The following INO80D variants were observed in gnomAD, a reference collection of about 807,000 sequenced individuals.
The protein encoded by INO80D is INO80 complex subunit D.
INO80D carries 21 observed loss-of-function variants against 87.6 expected under a neutral mutation model. The observed-to-expected ratio is 0.24, with a 90% confidence interval of 0.17 to 0.35. The LOEUF (loss-of-function observed/expected upper bound fraction) is 0.35. INO80D is among the 10% of genes least tolerant of loss of function. The pLI, the probability that INO80D is intolerant of heterozygous loss-of-function variation, is 1.00. For missense variants in INO80D, 982 were observed against 1,280.7 expected (o/e 0.77, Z 3.56); for synonymous variants, 440 against 491.0 (o/e 0.90, Z 1.37).
In INO80D at chr2:206,009,583, T is replaced by C. The variant is rs144598064; in HGVS notation, c.1754A>G (p.His585Arg). ...TGCCAGTGGCACCACTGACCGGATG[T>C]GAGAGGCCTCCACTGGCAGTGAGAC... is the stretch of plus-strand genomic sequence containing the variant. ...ASVSLPVEAS[H>R]IRSPSTPELS... is the part of the protein sequence containing the mutation. Residue 585 changes from histidine (H) to arginine (R), a missense_variant, in exon 9 of 11, where the codon CAC becomes CGC. Physicochemically the swap from His to Arg is conservative, Grantham distance 29. Transcript: ENST00000403263. 8.0e-3 allele frequency: 12,916 copies of C among 1,611,268 alleles called. 99 individuals are homozygous for C. The highest frequency in any genetic ancestry group is 9.4e-3 in the Middle Eastern group (53 of 5,654).
At chr2:206,027,808 T>C (rs1688657031) in intron 6 of INO80D, among the ~76,000 whole-genome samples, 1 of 152,206 alleles carries the variant, frequency 6.6e-6, no homozygotes, top group South Asian at 2.1e-4. Flanking sequence ...AATGTTACTT[T>C]TAAATAACAT....
intron 3 of INO80D, among the ~76,000 whole-genome samples, chr2:206,060,147 G>A (rs1231013108): frequency 1.3e-5 from 2 of 152,130 alleles, no homozygotes; most frequent in African/African-American, 4.8e-5. Context: ...CAAGGCTGTA[G>A]TGAGCTACGA....
intron 1 of INO80D, among the ~76,000 whole-genome samples, chr2:206,080,678 C>T (rs975988093): frequency 4.6e-5 from 7 of 151,852 alleles, no homozygotes; most frequent in South Asian, 4.1e-4. Context: ...GAGGCCAAGG[C>T]GGGCGGATCA....
chr2:206,021,517 T>C (rs1009986029), intron 6 of INO80D, among the ~76,000 whole-genome samples: 4 of 152,364 alleles, frequency 2.6e-5, no homozygotes, highest in Admixed American at 2.0e-4. Flanking sequence ...AAAAGGAATA[T>C]ATAATTTCAA....
intron 1 of INO80D, 31 bp from the exon 2 acceptor site, chr2:206,063,275 A>G: frequency 1.9e-6 from 1 of 533,408 alleles, no homozygotes; most frequent in South Asian, 2.8e-5. Flanking sequence ...CTAGTTAACA[A>G]ACAGAAATAA....
intron 1 of INO80D, among the ~76,000 whole-genome samples, chr2:206,082,370 A>G (rs954748438): frequency 1.3e-5 from 2 of 152,234 alleles, no homozygotes; most frequent in African/African-American, 4.8e-5. Flanking sequence ...ATGAGAACCA[A>G]GTAGTCTGTC....
At chr2:206,057,100 C>T (rs960629028) in intron 3 of INO80D, among the ~76,000 whole-genome samples, 157 bp from the exon 4 acceptor site, 6 of 152,160 alleles carry the variant, frequency 3.9e-5, no homozygotes, top group African/African-American at 1.4e-4. Flanking sequence ...TACTTTCAAG[C>T]AGTCCTCAAA....
rs760629333 is a variant in INO80D, at chr2:206,056,771, G to C, written c.391C>G (p.Leu131Val). The change falls in exon 4 of 11, where the codon CTC (leucine) becomes GTC (valine). Residue 131 changes from leucine (L) to valine (V), a missense_variant. By Grantham distance (32) the Leu-to-Val change is conservative. Transcript: ENST00000403263. ...GGGACCCTTGCCCCAGGTGGAGAGA[G>C]GGACATTCCATCCAGTCCGTTGGGC... ...KMPNGLDGMSLSPPGARVPLH... is the reference protein window; with the variant it reads ...KMPNGLDGMSVSPPGARVPLH... 1 of 1,613,002 alleles carries C rather than the reference G, an allele frequency of 6.2e-7. No individual in the cohort carries two copies. The highest frequency in any genetic ancestry group is 1.1e-5 in the South Asian group (1 of 90,802).
In INO80D at chr2:206,001,960, A is replaced by G. The variant is rs1353648525; in HGVS notation, c.*2408T>C. 6.6e-6 allele frequency: 1 copy of G among 152,242 alleles called. No individual in the cohort carries two copies. The highest frequency in any genetic ancestry group is 1.5e-5 in the Non-Finnish European group (1 of 68,050). 9.4% of individuals were successfully genotyped at this position (152,242 alleles called of 1,614,324 possible). ...CATAAAACAGAAAATTGCAAACAAT[A>G]AAATGTGCAACTTACTGCAAACTCA... is the stretch of plus-strand genomic sequence containing the variant. On this transcript the variant is annotated 3_prime_UTR_variant, in exon 11 of 11. Transcript: ENST00000403263.
intron 4 of INO80D, among the ~76,000 whole-genome samples, chr2:206,049,788 T>C (rs577594990): frequency 6.6e-6 from 1 of 152,326 alleles, no homozygotes; most frequent in East Asian, 1.9e-4. Context: ...TTCCCCAAAG[T>C]AACTTTTGCT....
In INO80D at chr2:206,056,940, G is replaced by A. The variant is rs374224084; in HGVS notation, c.222C>T (p.Tyr74=). 5 of 1,584,754 alleles carry A rather than the reference G, an allele frequency of 3.2e-6. No individual in the cohort carries two copies. Among genetic ancestry groups the A allele is most frequent in the Non-Finnish European group, 4.3e-6 (5 of 1,161,900 alleles). ...CAAGTACCTGCAAGTGGCTGTTGCA[G>A]TACCTTTAAAATACACACATACATG... ...NPIPKSEDRR[Y]CNSHLQVLGF... Residue 74 remains tyrosine, a synonymous_variant, in exon 4 of 11, where the codon TAC becomes TAT. Transcript: ENST00000403263.
intron 1 of INO80D, among the ~76,000 whole-genome samples, chr2:206,067,781 G>A (rs907858346): frequency 1.3e-5 from 2 of 151,892 alleles, no homozygotes; most frequent in Non-Finnish European, 2.9e-5. Flanking sequence ...AAACCTATAC[G>A]AACATCAAGA....
intron 8 of INO80D, among the ~76,000 whole-genome samples, chr2:206,015,784 G>A (rs1332339088): frequency 6.6e-6 from 1 of 152,198 alleles, no homozygotes; most frequent in Non-Finnish European, 1.5e-5. Context: ...CTACTTGGGA[G>A]GCTGAGGCAC....
At chr2:206,054,026 G>A (rs1490110828) in intron 4 of INO80D, among the ~76,000 whole-genome samples, 4 of 152,034 alleles carry the variant, frequency 2.6e-5, no homozygotes. Context: ...TTTTAGTAGA[G>A]ACAGGGTTTT....
intron 6 of INO80D, among the ~76,000 whole-genome samples, chr2:206,022,471 T>A (rs1050845320): frequency 6.6e-6 from 1 of 152,164 alleles, no homozygotes; most frequent in Non-Finnish European, 1.5e-5. Flanking sequence ...TTACCAAAAC[T>A]TTTTCATGTT....
intron 4 of INO80D, among the ~76,000 whole-genome samples, chr2:206,054,345 T>C (rs1378561968): frequency 1.3e-5 from 2 of 151,918 alleles, no homozygotes; most frequent in African/African-American, 4.8e-5. Context: ...TTCATAAAAC[T>C]TATATGAACA....
intron 4 of INO80D, among the ~76,000 whole-genome samples, chr2:206,053,286 G>A (rs1009515028): frequency 6.6e-6 from 1 of 151,976 alleles, no homozygotes; most frequent in Admixed American, 6.6e-5. Context: ...ATGGAAGACA[G>A]AATTCAGCCA....
At chr2:206,008,292 T>C (rs1262940901) in intron 9 of INO80D, among the ~76,000 whole-genome samples, 1 of 148,906 alleles carries the variant, frequency 6.7e-6, no homozygotes, top group East Asian at 2.0e-4. Context: ...CTTTTTTTTT[T>C]TTTTTTGAGA....
At chr2:206,083,114 T>C (rs1031635347) in intron 1 of INO80D, among the ~76,000 whole-genome samples, 4 of 152,228 alleles carry the variant, frequency 2.6e-5, no homozygotes, top group African/African-American at 9.6e-5. Context: ...TCAAATGGAA[T>C]GTAACTTTTA....
Sources: gnomAD v4.1 joint callset for allele counts (sites outside exome capture counted in the v4.1 genomes callset) on GRCh38, gnomAD v4.1.1 for gene constraint, MANE v1.5 for transcripts, NCBI Gene and HGNC (gene_info 2026-07-23, HGNC 2026-07-21) for gene names.